Variants in SLC5A1 observed in about 807,000 individuals in gnomAD.
SLC5A1 encodes the protein solute carrier family 5 member 1, also known as sodium/glucose cotransporter 1.
SLC5A1 carries 42 observed loss-of-function variants against 73.5 expected under a neutral mutation model. The observed-to-expected ratio is 0.57, with a 90% CI of 0.45 to 0.74. The LOEUF is 0.74. Among genes scored for constraint, SLC5A1 ranks in the 30% least tolerant of loss-of-function variants. SLC5A1 has a pLI of 0.00. For missense variants in SLC5A1, 634 were observed against 855.4 expected, an observed-to-expected ratio of 0.74 and a Z score of 3.23; for synonymous variants, 300 against 317.4, an observed-to-expected ratio of 0.95 and a Z score of 0.58.
At chr22:32,057,374 C>T (rs2093953438) in intron 2 of SLC5A1, among the ~76,000 whole-genome samples, 1 of 152,148 alleles carries the variant, frequency 6.6e-6, no homozygotes, top group Non-Finnish European at 1.5e-5. Context: ...TCAAAGGATC[C>T]TCCTTCCTCA....
In SLC5A1 at chr22:32,110,968, T is replaced by C. The variant is rs1221303500; in HGVS notation, c.*755T>C. The C allele has an allele frequency of 3.9e-5, 6 of 152,820 alleles. No individual in the cohort carries two copies. The East Asian group carries it at 9.6e-4, about 24-fold the overall frequency. The allele number at this position is 152,820 out of a possible 1,614,324, so 9.5% of individuals were successfully genotyped here. The stretch of plus-strand genomic sequence containing the variant: ...GGCATTCACAGTGCCTGGAATGTCT[T>C]AGATTTTCAGCAATGCGTGTTGAAT... On this transcript the variant is annotated 3_prime_UTR_variant, in exon 15 of 15. Coordinates refer to ENST00000266088, the MANE Select transcript of SLC5A1 (RefSeq NM_000343.4).
At chr22:32,086,437 G>T in intron 10 of SLC5A1, 110 bp downstream of exon 10, 2 of 774,664 alleles carry the variant, frequency 2.6e-6, no homozygotes, top group East Asian at 5.3e-5. Flanking sequence ...TCTTAGCCGG[G>T]GGGTTAGAAG....
intron 5 of SLC5A1, among the ~76,000 whole-genome samples, chr22:32,072,438 A>G (rs28590200): frequency 0.066 from 10,065 of 152,230 alleles, 359 homozygotes; most frequent in African/African-American, 0.09. Flanking sequence ...TATATGTGCC[A>G]CATTTTCTTT....
intron 10 of SLC5A1, among the ~76,000 whole-genome samples, chr22:32,090,100 C>CAA (rs11365344): frequency 1.7e-3 from 178 of 105,538 alleles, no homozygotes; most frequent in African/African-American, 4.9e-3. Flanking sequence ...CCTTGTCTTT[C>CAA]AAAAAAAAAA....
At chr22:32,053,610 T>C (rs1474353416) in intron 2 of SLC5A1, among the ~76,000 whole-genome samples, 1 of 152,176 alleles carries the variant, frequency 6.6e-6, no homozygotes, top group East Asian at 1.9e-4. Context: ...GCATCTGGCT[T>C]CTCCTTTCTC....
intron 12 of SLC5A1, among the ~76,000 whole-genome samples, chr22:32,101,673 C>A (rs2094036527): frequency 1.3e-5 from 2 of 152,084 alleles, no homozygotes; most frequent in South Asian, 4.1e-4. Context: ...GGTGGAGAGG[C>A]TCAAATTATT....
Position 32,081,855 on chromosome 22 carries a change from T to C in SLC5A1, c.478-11T>C, listed in dbSNP as rs201044273. 1.3e-6 allele frequency: 2 copies of C among 1,593,616 alleles called. No homozygotes were observed. The highest frequency in any genetic ancestry group is 3.3e-5 in the Admixed American group (2 of 59,946). On this transcript the variant is annotated splice_polypyrimidine_tract_variant and intron_variant, in intron 5 of 14. Transcript: ENST00000266088. Reference sequence around the variant, plus strand: ...CTCTCCCTCCTAACTCCGCCTCTCCTCTCCTTCCAGGCAGACATCTTCTCG... The same window carrying C: ...CTCTCCCTCCTAACTCCGCCTCTCCCCTCCTTCCAGGCAGACATCTTCTCG...
chr22:32,091,811 T>C, intron 11 of SLC5A1, 49 bp downstream of exon 11: 1 of 1,601,376 alleles, frequency 6.2e-7, no homozygotes. Flanking sequence ...ATCAGAGAGG[T>C]TCCATCTGTG....
At chr22:32,069,681 A>T (rs1393379907) in intron 5 of SLC5A1, among the ~76,000 whole-genome samples, 1 of 152,168 alleles carries the variant, frequency 6.6e-6, no homozygotes, top group Non-Finnish European at 1.5e-5. Flanking sequence ...GTCAATTTAA[A>T]AAAGGGGGGA....
Position 32,043,946 on chromosome 22 carries a change from G to A in SLC5A1, c.135+530G>A, listed in dbSNP as rs192996092. Among the ~76,000 whole-genome samples the A allele has an allele frequency of 7.2e-4, 110 of 152,308 alleles. 5 individuals are homozygous for A. The South Asian group carries it at 0.012, about 17-fold the overall frequency. On this transcript the variant is annotated intron_variant, in intron 1 of 14. Coordinates refer to ENST00000266088, the MANE Select transcript of SLC5A1 (RefSeq NM_000343.4). The surrounding 1 kb of genome is among the most constrained non-coding windows in gnomAD (Gnocchi z 6.5). ...GGAGAGGCTAACCCAGAGGCCTTGT[G>A]CATGAGGATCCCAGGGGCTGGATCA...
chr22:32,064,450 G>A (rs959630303), intron 2 of SLC5A1, among the ~76,000 whole-genome samples: 1 of 151,568 alleles, frequency 6.6e-6, no homozygotes, highest in Non-Finnish European at 1.5e-5. Context: ...GAGTTGAGAT[G>A]GACCACTGCA....
intron 2 of SLC5A1, among the ~76,000 whole-genome samples, chr22:32,062,719 G>A (rs946316448): frequency 3.3e-5 from 5 of 152,188 alleles, no homozygotes; most frequent in Non-Finnish European, 2.9e-5. Flanking sequence ...AAATGGGCAT[G>A]AGCATGGATG....
intron 2 of SLC5A1, among the ~76,000 whole-genome samples, chr22:32,058,839 A>G (rs1221393646): frequency 6.6e-6 from 1 of 151,752 alleles, no homozygotes; most frequent in Non-Finnish European, 1.5e-5. Flanking sequence ...TGCTGTTCTC[A>G]TGGGCCCTGG....
intron 5 of SLC5A1, among the ~76,000 whole-genome samples, chr22:32,080,460 T>TA (rs548615202): frequency 1.5e-3 from 234 of 152,146 alleles, no homozygotes; most frequent in Non-Finnish European, 2.2e-3. Context: ...GTGGGAAACT[T>TA]AAACACTGGA....
rs2093988560 is a variant in SLC5A1 at position 32,074,997 on chromosome 22, A to G, written c.477+6397A>G. Reference sequence around the variant, plus strand: ...ATGCAACCTTAAACTCGTGGGCTCAAGTGATCATCCTGCCTCAGCCTCCTG... The same window carrying G: ...ATGCAACCTTAAACTCGTGGGCTCAGGTGATCATCCTGCCTCAGCCTCCTG... On this transcript the variant is annotated intron_variant, in intron 5 of 14. Coordinates refer to ENST00000266088, the MANE Select transcript of SLC5A1 (RefSeq NM_000343.4). Among the ~76,000 whole-genome samples the G allele has an allele frequency of 2.0e-5, 3 of 151,906 alleles. 1 individual carries two copies. The South Asian group carries it at 6.2e-4, about 32-fold the overall frequency.
At chr22:32,102,746 A>G (rs1017320312) in intron 13 of SLC5A1, among the ~76,000 whole-genome samples, 1 of 152,192 alleles carries the variant, frequency 6.6e-6, no homozygotes, top group Admixed American at 6.5e-5. Context: ...TGGCCTCGGT[A>G]ACCATCAATC....
chr22:32,064,143 A>G (rs1045499935), intron 2 of SLC5A1, among the ~76,000 whole-genome samples: 2 of 152,220 alleles, frequency 1.3e-5, no homozygotes, highest in Non-Finnish European at 2.9e-5. Flanking sequence ...GAGGTGATAA[A>G]TGAAAAGATA....
Position 32,104,770 on chromosome 22 carries a change from T to G in SLC5A1, c.1666-16T>G. ...TATTTGGATCTTTCTGTTGACCTGT[T>G]CTGCCTTCTCTGCAGCTCTACCGTC... On this transcript the variant is annotated splice_polypyrimidine_tract_variant and intron_variant, in intron 13 of 14. Coordinates refer to ENST00000266088, the MANE Select transcript of SLC5A1 (RefSeq NM_000343.4). 1 of 1,609,094 alleles carries G rather than the reference T, an allele frequency of 6.2e-7. No homozygotes were observed. The highest frequency in any genetic ancestry group is 8.5e-7 in the Non-Finnish European group (1 of 1,175,488).
At chr22:32,068,784 GTCC>G (rs1384779436) in intron 5 of SLC5A1, among the ~76,000 whole-genome samples, 184 bp downstream of exon 5, 1 of 152,018 alleles carries the variant, frequency 6.6e-6, no homozygotes, top group East Asian at 1.9e-4. Flanking sequence ...ATGGAAATCT[GTCC>G]TCCACTGTGG....
Sources: gnomAD v4.1 joint callset for allele counts (sites outside exome capture counted in the v4.1 genomes callset) on GRCh38, gnomAD v4.1.1 for gene constraint, Gnocchi (gnomAD v3.1) non-coding constraint, MANE v1.5 for transcripts, NCBI Gene and HGNC (gene_info 2026-07-23, HGNC 2026-07-21) for gene names.